The following BNC2 variants were observed in gnomAD, a reference collection of about 807,000 sequenced individuals.
BNC2 encodes zinc finger protein basonuclin-2.
BNC2 carries 20 observed loss-of-function variants against 76.3 expected under a neutral mutation model. The observed-to-expected ratio is 0.26, with a 90% CI of 0.18 to 0.38. BNC2 has a LOEUF of 0.38. Ranked by LOEUF, BNC2 falls within the 10% of genes least tolerant of loss-of-function variation. The pLI is 1.00. For missense variants in BNC2, 1,382 were observed against 1,399.8 expected (o/e 0.99, Z 0.20); for synonymous variants, 582 against 514.8 (o/e 1.13, Z -1.77).
At chr9:16,628,683 T>G (rs935419522) in intron 3 of BNC2, among the ~76,000 whole-genome samples, 4 of 152,118 alleles carry the variant, frequency 2.6e-5, no homozygotes, top group Non-Finnish European at 5.9e-5. Flanking sequence ...GCAAAAAAGT[T>G]CTATGATTTT....
intron 5 of BNC2, among the ~76,000 whole-genome samples, chr9:16,501,056 T>G (rs1468022543): frequency 6.6e-6 from 1 of 152,208 alleles, no homozygotes; most frequent in Non-Finnish European, 1.5e-5. Flanking sequence ...TTGAACAAGT[T>G]ACCTAAGTGA....
chr9:16,642,734 T>C (rs1186702591), intron 3 of BNC2, among the ~76,000 whole-genome samples: 2 of 152,186 alleles, frequency 1.3e-5, no homozygotes, highest in African/African-American at 4.8e-5. Context: ...AATTTTGGCT[T>C]TCAAAATACA....
intron 5 of BNC2, among the ~76,000 whole-genome samples, chr9:16,548,511 T>C (rs148384371): frequency 1.1e-3 from 172 of 151,908 alleles, no homozygotes; most frequent in Non-Finnish European, 2.0e-3. Context: ...GTTCAAGGAA[T>C]TCTCCCACCT....
chr9:16,699,842 G>T (rs745905436), intron 3 of BNC2, among the ~76,000 whole-genome samples: 4 of 152,156 alleles, frequency 2.6e-5, no homozygotes, highest in Non-Finnish European at 5.9e-5. Flanking sequence ...TCATGAAAGA[G>T]ACATATTTCT....
At chr9:16,779,130 A>AAAAAAAAGAAAAG (rs556932807) in intron 1 of BNC2, among the ~76,000 whole-genome samples, 34 of 87,628 alleles carry the variant, frequency 3.9e-4, no homozygotes, top group African/African-American at 1.4e-3. Context: ...AAAAAAAAAA[A>AAAAAAAAGAAAAG]AAAAGAAAAG....
intron 3 of BNC2, among the ~76,000 whole-genome samples, chr9:16,609,514 C>A (rs950094229): frequency 6.6e-6 from 1 of 152,142 alleles, no homozygotes; most frequent in East Asian, 1.9e-4. Context: ...ATAGAAATAA[C>A]TGCTAAAACT....
chr9:16,706,030 C>T (rs1823659924), intron 3 of BNC2, among the ~76,000 whole-genome samples: 2 of 152,200 alleles, frequency 1.3e-5, no homozygotes, highest in African/African-American at 2.4e-5. Context: ...TGACAAGCAA[C>T]TATTTTAAAA....
chr9:16,727,793 T>C lies in BNC2; in HGVS notation c.330+4A>G, dbSNP rs200133531. The C allele has an allele frequency of 7.1e-5, 114 of 1,611,024 alleles. No individual in the cohort carries two copies. The African/African-American group carries it at 1.3e-3, about 18-fold the overall frequency. On this transcript the variant is annotated splice_donor_region_variant and intron_variant, in intron 3 of 6. Coordinates refer to ENST00000380672, the MANE Select transcript of BNC2 (RefSeq NM_017637.6). ...AAAAAAAATCAAGAAAGAAAGTAAC[T>C]TACCTGTTGGGACATTCTGAATAAG...
chr9:16,438,863 C>T (rs939804282), intron 5 of BNC2, among the ~76,000 whole-genome samples: 8 of 152,006 alleles, frequency 5.3e-5, no homozygotes, highest in African/African-American at 1.5e-4. Context: ...AAGAAGGGCA[C>T]GACATCACTT....
At chr9:16,536,952 T>C (rs1183336853) in intron 5 of BNC2, among the ~76,000 whole-genome samples, 1 of 152,150 alleles carries the variant, frequency 6.6e-6, no homozygotes, top group Non-Finnish European at 1.5e-5. Flanking sequence ...AGTATATTAC[T>C]TTTATCAAAA....
At chr9:16,560,325 A>C (rs1164735430) in intron 4 of BNC2, among the ~76,000 whole-genome samples, 1 of 152,230 alleles carries the variant, frequency 6.6e-6, no homozygotes, top group Non-Finnish European at 1.5e-5. Context: ...AGCAGACTGT[A>C]AGTAAGGAGC....
At chr9:16,829,858 A>T (rs1008346315) in intron 1 of BNC2, among the ~76,000 whole-genome samples, 2 of 152,336 alleles carry the variant, frequency 1.3e-5, no homozygotes, top group Admixed American at 6.5e-5. Context: ...TCCCCAGGGG[A>T]ACAGAAATGC....
chr9:16,515,386 G>A (rs574616818), intron 5 of BNC2, among the ~76,000 whole-genome samples: 9 of 152,178 alleles, frequency 5.9e-5, no homozygotes, highest in South Asian at 2.1e-4. Context: ...GGAATGCTAC[G>A]GGGCCTCTGG....
At chr9:16,728,938 T>G (rs1824430997) in intron 2 of BNC2, among the ~76,000 whole-genome samples, 1 of 152,056 alleles carries the variant, frequency 6.6e-6, no homozygotes, top group South Asian at 2.1e-4. Flanking sequence ...ATGAAGCATC[T>G]GCAATATCCT....
At chr9:16,602,300 T>C (rs1820263602) in intron 3 of BNC2, among the ~76,000 whole-genome samples, 1 of 152,220 alleles carries the variant, frequency 6.6e-6, no homozygotes, top group Non-Finnish European at 1.5e-5. Context: ...GTGTACTTAT[T>C]TATTGTATTT....
intron 1 of BNC2, among the ~76,000 whole-genome samples, chr9:16,805,381 C>G (rs1294145995): frequency 6.6e-6 from 1 of 151,842 alleles, no homozygotes; most frequent in Admixed American, 6.6e-5. Flanking sequence ...GGCTGGAGTA[C>G]AATGGCACGA....
chr9:16,606,606 C>T (rs1042938118), intron 3 of BNC2, among the ~76,000 whole-genome samples: 1 of 151,944 alleles, frequency 6.6e-6, no homozygotes, highest in Non-Finnish European at 1.5e-5. Context: ...AATCTCAGCT[C>T]ACTGCAACCT....
chr9:16,461,251 T>G (rs1292255061), intron 5 of BNC2, among the ~76,000 whole-genome samples: 1 of 152,162 alleles, frequency 6.6e-6, no homozygotes, highest in African/African-American at 2.4e-5. Context: ...TCTGTTGATC[T>G]CTTTGTTGGG....
rs551668351 is a variant in BNC2, at chr9:16,577,943, G to C, written c.433+5040C>G. 2.4e-4 allele frequency among the ~76,000 whole-genome samples: 37 copies of C among 152,222 alleles called. No homozygotes were observed. In the South Asian group the frequency reaches 7.3e-3, roughly 30 times the overall value. On this transcript the variant is annotated intron_variant, in intron 4 of 6. Coordinates refer to ENST00000380672, the MANE Select transcript of BNC2 (RefSeq NM_017637.6). ...ATTTGCACAGAGAAAGCTGCTGTGG[G>C]TGCGTTAAGCTATAAAATGTATTTT...
Sources: allele counts gnomAD v4.1 joint callset (sites outside exome capture counted in the v4.1 genomes callset), GRCh38; gene constraint gnomAD v4.1.1; transcripts MANE v1.5; gene names NCBI Gene and HGNC (gene_info 2026-07-23, HGNC 2026-07-21).